The following SCHIP1 variants were observed in gnomAD, a reference collection of about 807,000 sequenced individuals.
SCHIP1 encodes schwannomin-interacting protein 1.
In SCHIP1, 8 loss-of-function variants were observed where a neutral mutation model predicts 29.7. The ratio of observed to expected loss-of-function variants is 0.27; its 90% CI spans 0.16 to 0.49. The LOEUF (loss-of-function observed/expected upper bound fraction) is 0.49, where lower values mean the gene tolerates loss of function less well. Among genes scored for constraint, SCHIP1 ranks in the 20% least tolerant of loss-of-function variants. The pLI, the probability that SCHIP1 is intolerant of heterozygous loss-of-function variation, is 0.99. For synonymous variants in SCHIP1, 76 were observed against 94.9 expected, an observed-to-expected ratio of 0.80 and a Z score of 1.16; for missense variants, 193 against 294.6, an observed-to-expected ratio of 0.66 and a Z score of 2.52.
At chr3:159,894,037 A>G (rs915733696) in intron 6 of SCHIP1, 2 of 152,126 alleles carry the variant, frequency 1.3e-5, no homozygotes, top group South Asian at 2.1e-4. Context: ...TACAACTCCT[A>G]CTATTCCAGA....
intron 1 of SCHIP1, among the ~76,000 whole-genome samples, chr3:159,855,089 A>G (rs1713192303): frequency 6.6e-6 from 1 of 152,260 alleles, no homozygotes; most frequent in African/African-American, 2.4e-5. Flanking sequence ...AAAAACTGCA[A>G]GATGAAACTT....
the SCHIP1 span, among the ~76,000 whole-genome samples, chr3:159,548,392 A>C: frequency 0.045 from 6,835 of 152,012 alleles, 526 homozygotes; most frequent in African/African-American, 0.16. Flanking sequence ...AGTGTCTTAT[A>C]ACATCAGCTC....
chr3:159,849,394 C>T (rs1201081372), intron 1 of SCHIP1, among the ~76,000 whole-genome samples: 1 of 152,098 alleles, frequency 6.6e-6, no homozygotes. Context: ...CGGAGTCTTG[C>T]AGTCTCTAAA....
chr3:159,443,319 A>G, the SCHIP1 span, among the ~76,000 whole-genome samples: 43 of 152,294 alleles, frequency 2.8e-4, 1 homozygote, highest in African/African-American at 1.0e-3. Flanking sequence ...AAGCAAGCAT[A>G]TTTGAGAACC....
the SCHIP1 span, among the ~76,000 whole-genome samples, chr3:159,782,705 C>G: frequency 1.3e-5 from 2 of 152,230 alleles, no homozygotes; most frequent in African/African-American, 4.8e-5. Context: ...TAATGATCCT[C>G]AGGTTTAGCA....
At chr3:159,512,004 T>G in the SCHIP1 span, among the ~76,000 whole-genome samples, 1 of 152,322 alleles carries the variant, frequency 6.6e-6, no homozygotes, top group Non-Finnish European at 1.5e-5. Context: ...TTGACCGCGT[T>G]GAATTTGATA....
the SCHIP1 span, among the ~76,000 whole-genome samples, chr3:159,734,134 A>ATTTTTTTTTTTTTTTT: frequency 8.1e-6 from 1 of 122,786 alleles, no homozygotes; most frequent in Non-Finnish European, 1.7e-5. Context: ...ATTATTGTTT[A>ATTTTTTTTTTTTTTTT]CTTTTTTTTT....
At chr3:159,719,518 A>T in the SCHIP1 span, among the ~76,000 whole-genome samples, 2 of 152,212 alleles carry the variant, frequency 1.3e-5, no homozygotes, top group Admixed American at 6.5e-5. Flanking sequence ...ATCTACAAAG[A>T]ACTTAAACAA....
At chr3:159,634,133 A>G in the SCHIP1 span, among the ~76,000 whole-genome samples, 9 of 152,196 alleles carry the variant, frequency 5.9e-5, no homozygotes, top group African/African-American at 2.2e-4. Context: ...GCTTAGTAAC[A>G]GAAAATAAAG....
At chr3:159,623,638 TAAAC>T in the SCHIP1 span, among the ~76,000 whole-genome samples, 1,087 of 152,208 alleles carry the variant, frequency 7.1e-3, 15 homozygotes, top group African/African-American at 0.024. Context: ...AATAAATAAA[TAAAC>T]AAAGAGTTTT....
At chr3:159,654,336 G>A in the SCHIP1 span, among the ~76,000 whole-genome samples, 11 of 151,934 alleles carry the variant, frequency 7.2e-5, no homozygotes, top group African/African-American at 2.2e-4. Flanking sequence ...ATCAGATTTG[G>A]CACTCACTTT....
the SCHIP1 span, among the ~76,000 whole-genome samples, chr3:159,607,028 T>C: frequency 6.6e-6 from 1 of 152,216 alleles, no homozygotes; most frequent in Non-Finnish European, 1.5e-5. Flanking sequence ...TTTGAACACT[T>C]CAGTTCTTAG....
chr3:159,431,377 GA>G, the SCHIP1 span, among the ~76,000 whole-genome samples: 12 of 150,232 alleles, frequency 8.0e-5, no homozygotes, highest in Admixed American at 1.3e-4. Flanking sequence ...AAGGTGAGGG[GA>G]AAAAAAAAGG....
the SCHIP1 span, among the ~76,000 whole-genome samples, chr3:159,382,354 G>C: frequency 4.0e-5 from 6 of 150,352 alleles, no homozygotes; most frequent in Admixed American, 4.0e-4. Flanking sequence ...GAGAATATGC[G>C]GTGTTTGATT....
At chr3:159,316,217 T>C in the SCHIP1 span, among the ~76,000 whole-genome samples, 5 of 152,230 alleles carry the variant, frequency 3.3e-5, no homozygotes, top group South Asian at 4.1e-4. Flanking sequence ...GGGAAGTTTA[T>C]TAAGTATTAA....
intron 1 of SCHIP1, among the ~76,000 whole-genome samples, chr3:159,855,793 A>G (rs1713280247): frequency 6.6e-6 from 1 of 152,164 alleles, no homozygotes; most frequent in East Asian, 1.9e-4. Flanking sequence ...TAAATACCAC[A>G]TGTGTATAGG....
the SCHIP1 span, among the ~76,000 whole-genome samples, chr3:159,292,645 G>A: frequency 6.6e-6 from 1 of 152,182 alleles, no homozygotes; most frequent in African/African-American, 2.4e-5. Context: ...AGGACTGAGA[G>A]GTTAGTGATT....
At chr3:159,578,188 A>G in the SCHIP1 span, among the ~76,000 whole-genome samples, 2 of 152,176 alleles carry the variant, frequency 1.3e-5, no homozygotes, top group Non-Finnish European at 2.9e-5. Flanking sequence ...GGGTTATACT[A>G]GAATAATCTG....
chr3:159,701,239 T>C, the SCHIP1 span, among the ~76,000 whole-genome samples: 3 of 152,202 alleles, frequency 2.0e-5, no homozygotes, highest in African/African-American at 7.2e-5. Context: ...ATTTTTGTCA[T>C]TTTCATTATG....
Sources: allele counts gnomAD v4.1 joint callset (sites outside exome capture counted in the v4.1 genomes callset), GRCh38; gene constraint gnomAD v4.1.1; transcripts MANE v1.5; gene names NCBI Gene and HGNC (gene_info 2026-07-23, HGNC 2026-07-21).